TENM2: variants seen among roughly 807,000 people sequenced by gnomAD.
TENM2 encodes the protein teneurin-2.
A neutral mutation model predicts 245.2 loss-of-function variants in TENM2; 52 were observed. The ratio of observed to expected loss-of-function variants is 0.21; its 90% CI spans 0.17 to 0.27. The LOEUF is 0.27. Among genes scored for constraint, TENM2 ranks in the 10% least tolerant of loss-of-function variants. TENM2 has a pLI of 1.00. For synonymous variants in TENM2, 1,363 were observed against 1,438.9 expected, an observed-to-expected ratio of 0.95 and a Z score of 1.19; for missense variants, 3,046 against 3,666.8, an observed-to-expected ratio of 0.83 and a Z score of 4.37.
chr5:168,229,509 A>G (rs887508332), intron 25 of TENM2: 2 of 147,544 alleles, frequency 1.4e-5, no homozygotes, highest in African/African-American at 5.3e-5. Flanking sequence ...AGAGAGGGGT[A>G]GATCATAAGT....
chr5:167,605,402 T>A (rs1364139852), intron 2 of TENM2, among the ~76,000 whole-genome samples: 2 of 152,188 alleles, frequency 1.3e-5, no homozygotes, highest in African/African-American at 4.8e-5. Context: ...GAGCACGCTA[T>A]GACCTTCAGA....
At chr5:168,228,878 A>G (rs767140707) in intron 25 of TENM2, among the ~76,000 whole-genome samples, 2 of 148,138 alleles carry the variant, frequency 1.4e-5, no homozygotes, top group Non-Finnish European at 3.0e-5. Flanking sequence ...ATTATTATAT[A>G]ATGTAATTTT....
chr5:167,429,410 C>T (rs933360631), intron 2 of TENM2, among the ~76,000 whole-genome samples: 2 of 152,104 alleles, frequency 1.3e-5, no homozygotes, highest in Non-Finnish European at 2.9e-5. Context: ...GGCCCTGCTA[C>T]AGGTGCTGCA....
intron 3 of TENM2, among the ~76,000 whole-genome samples, chr5:167,899,342 C>G (rs551068546): frequency 1.1e-4 from 17 of 152,088 alleles, no homozygotes; most frequent in African/African-American, 3.9e-4. Context: ...ATACCAAACG[C>G]CAAAGACAGG....
chr5:167,520,323 A>C (rs141134297), intron 2 of TENM2, among the ~76,000 whole-genome samples: 1,894 of 152,324 alleles, frequency 0.012, 49 homozygotes, highest in African/African-American at 0.043. Context: ...GGATCTCGGC[A>C]GGAAGTAAAG....
At chr5:167,884,878 A>G (rs533633058) in intron 3 of TENM2, among the ~76,000 whole-genome samples, 1 of 152,300 alleles carries the variant, frequency 6.6e-6, no homozygotes, top group Admixed American at 6.5e-5. Flanking sequence ...CACCAGCAAT[A>G]CACAAGGGCT....
intron 2 of TENM2, among the ~76,000 whole-genome samples, chr5:167,781,736 A>T (rs1029962651): frequency 1.3e-5 from 2 of 152,300 alleles, no homozygotes; most frequent in South Asian, 4.2e-4. Context: ...CCTTAGAATT[A>T]AAAGTTGGGC....
intron 2 of TENM2, among the ~76,000 whole-genome samples, chr5:167,750,072 G>A (rs1450507963): frequency 6.6e-6 from 1 of 152,110 alleles, no homozygotes; most frequent in Non-Finnish European, 1.5e-5. Flanking sequence ...GTGAACTGCA[G>A]GAATGGTTCA....
chr5:168,120,075 G>C (rs1328179847), intron 10 of TENM2, among the ~76,000 whole-genome samples: 1 of 152,096 alleles, frequency 6.6e-6, no homozygotes, highest in African/African-American at 2.4e-5. Context: ...CACCCACATA[G>C]GGTTCCCTTG....
In TENM2 at chr5:167,391,341, C is replaced by G. The variant is rs553947461; in HGVS notation, c.502+15868C>G. On this transcript the variant is annotated intron_variant, in intron 2 of 28. Transcript: ENST00000518659. Reference sequence around the variant, plus strand: ...AGTTGAGAAAAGAAAAGCAAGAGCTCTTGGGTGGGCATAGTGGCTCACGTG... The same window carrying G: ...AGTTGAGAAAAGAAAAGCAAGAGCTGTTGGGTGGGCATAGTGGCTCACGTG... Among the ~76,000 whole-genome samples the G allele has an allele frequency of 2.6e-5, 4 of 151,986 alleles. No individual in the cohort carries two copies. The South Asian group carries it at 8.3e-4, about 32-fold the overall frequency.
chr5:167,460,899 T>C (rs1370976692), intron 2 of TENM2, among the ~76,000 whole-genome samples: 1 of 152,190 alleles, frequency 6.6e-6, no homozygotes, highest in Non-Finnish European at 1.5e-5. Context: ...ACTCATACTA[T>C]TAAAATGAAC....
rs1393082475 is a variant in TENM2 at position 167,374,196 on chromosome 5, T to A, written c.227-1002T>A. ...ACATGGTCTTGTAGGATTATAATAC[T>A]GTATTTTTAGTGTATCTTTTCTATG... On this transcript the variant is annotated intron_variant, in intron 1 of 28. Transcript: ENST00000518659. Among the ~76,000 whole-genome samples the A allele has an allele frequency of 2.0e-5, 3 of 152,226 alleles. 1 individual carries two copies.
At chr5:168,204,432 C>T in exon 19 of TENM2, 1 of 1,614,026 alleles carries the variant, frequency 6.2e-7, no homozygotes, top group Non-Finnish European at 8.5e-7. Flanking sequence ...GCCATCATCA[C>T]CAGCATCATG....
intron 2 of TENM2, among the ~76,000 whole-genome samples, chr5:167,822,477 G>T (rs191508104): frequency 6.6e-6 from 1 of 152,258 alleles, no homozygotes; most frequent in African/African-American, 2.4e-5. Context: ...GTTCTTGGGC[G>T]CAGAGTCACA....
At chr5:167,234,626 G>A in the TENM2 span, among the ~76,000 whole-genome samples, 43 of 152,256 alleles carry the variant, frequency 2.8e-4, no homozygotes, top group East Asian at 7.2e-3. Context: ...TTGTGAATGA[G>A]GATGATTTCA....
the TENM2 span, among the ~76,000 whole-genome samples, chr5:167,143,825 A>G: frequency 1.3e-5 from 2 of 152,216 alleles, no homozygotes; most frequent in Non-Finnish European, 2.9e-5. Flanking sequence ...CCACATATAT[A>G]TGCAACACTT....
chr5:167,439,914 T>C (rs1451542275), intron 2 of TENM2, among the ~76,000 whole-genome samples: 2 of 152,198 alleles, frequency 1.3e-5, no homozygotes, highest in African/African-American at 4.8e-5. Flanking sequence ...ATTTTATCTA[T>C]ATTGCATTAT....
At chr5:168,103,835 T>G (rs928780307) in intron 9 of TENM2, among the ~76,000 whole-genome samples, 2 of 152,158 alleles carry the variant, frequency 1.3e-5, no homozygotes, top group African/African-American at 4.8e-5. Context: ...CAAACAACTT[T>G]TGGGCTTAAG....
At chr5:168,220,788 A>T (rs554667761) in intron 23 of TENM2, among the ~76,000 whole-genome samples, 2 of 152,158 alleles carry the variant, frequency 1.3e-5, no homozygotes, top group Non-Finnish European at 2.9e-5. Flanking sequence ...GTGATGAAGA[A>T]AACCACACAG....
Sources: gnomAD v4.1 joint callset for allele counts (sites outside exome capture counted in the v4.1 genomes callset) on GRCh38, gnomAD v4.1.1 for gene constraint, MANE v1.5 for transcripts, NCBI Gene and HGNC (gene_info 2026-07-23, HGNC 2026-07-21) for gene names.